The following CEP131 variants were observed in gnomAD, a reference collection of about 807,000 sequenced individuals.
CEP131 encodes the protein centrosomal protein of 131 kDa.
CEP131 carries 99 observed loss-of-function variants against 136.8 expected under a neutral mutation model. The observed-to-expected ratio is 0.72, with a 90% CI of 0.62 to 0.86. CEP131 has a LOEUF of 0.86. Among genes scored for constraint, CEP131 ranks in the 40% least tolerant of loss-of-function variants. CEP131 has a pLI of 0.00. For missense variants in CEP131, 1,459 were observed against 1,463.0 expected (o/e 1.00, Z 0.04); for synonymous variants, 646 against 612.7 (o/e 1.05, Z -0.80).
At position 81,210,637 on chromosome 17, in the gene CEP131, G is replaced by A. The variant is rs910953361; in HGVS notation, c.178-1615C>T. Among the ~76,000 whole-genome samples, 6 of 152,140 alleles carry A rather than the reference G, an allele frequency of 3.9e-5. No individual in the cohort carries two copies. The East Asian group carries it at 5.8e-4, about 15-fold the overall frequency. The stretch of plus-strand genomic sequence containing the variant: ...AAGGGCTCACAGTCCAGTGGGAAAC[G>A]GTCTGGGGAACACCACCGGATGCCA... On this transcript the variant is annotated intron_variant, in intron 2 of 25. Coordinates refer to ENST00000450824, the MANE Select transcript of CEP131 (RefSeq NM_014984.4).
rs768619581 is a variant in CEP131 at position 81,198,919 on chromosome 17, G to A, written c.1245C>T (p.Asp415=). The change falls in exon 11 of 26, where the codon GAC becomes GAT. Residue 415 remains aspartate (D), a synonymous_variant. Transcript: ENST00000450824. ...GPGDRCLPTS[D]SSPEPQQPPE... is the part of the protein sequence containing the mutation. Reference sequence around the variant, plus strand: ...GAGGCTGCTGTGGTTCTGGGGATGAGTCGGAGGTGGGCAGGCAGCGGTCTC... The same window carrying A: ...GAGGCTGCTGTGGTTCTGGGGATGAATCGGAGGTGGGCAGGCAGCGGTCTC... The A allele has an allele frequency of 1.9e-6, 3 of 1,593,648 alleles. No homozygotes were observed. The highest frequency in any genetic ancestry group is 2.6e-6 in the Non-Finnish European group (3 of 1,171,164).
chr17:81,197,051 C>T lies in CEP131; in HGVS notation c.1652G>A (p.Trp551Ter). The T allele has an allele frequency of 1.9e-6, 3 of 1,586,570 alleles. No homozygotes were observed. Among genetic ancestry groups the T allele is most frequent in the Non-Finnish European group, 2.6e-6 (3 of 1,166,784 alleles). The change falls in exon 14 of 26, where the codon TGG becomes TAG. Residue 551 changes from tryptophan to a stop codon, truncating the protein, a stop_gained. Coordinates refer to ENST00000450824, the MANE Select transcript of CEP131 (RefSeq NM_014984.4). LOFTEE classifies it high-confidence loss of function. ...GGGCCCCGGCCCCGCCTCCGGCACCCACCCCTGCAGACACAGCCGAGCGTC... is the reference window on the plus strand; with the variant it reads ...GGGCCCCGGCCCCGCCTCCGGCACCTACCCCTGCAGACACAGCCGAGCGTC... Reference protein sequence around the residue: ...QDQLDSQQEGWVPEAGPGPLE... With the variant: ...QDQLDSQQEG
At chr17:81,202,182 C>T in intron 7 of CEP131, 58 bp downstream of exon 7, 4 of 494,916 alleles carry the variant, frequency 8.1e-6, no homozygotes, top group Non-Finnish European at 6.3e-6. Flanking sequence ...GACCCTGATG[C>T]CTGCCCACCT....
intron 5 of CEP131, among the ~76,000 whole-genome samples, chr17:81,204,529 T>C (rs916007268): frequency 6.6e-6 from 1 of 152,086 alleles, no homozygotes; most frequent in African/African-American, 2.4e-5. Flanking sequence ...CACCAGGCAA[T>C]AGGCTTCCAG....
In CEP131 at chr17:81,191,194, G is replaced by A. The variant is rs377711828; in HGVS notation, c.2764C>T (p.Arg922Cys). The A allele has an allele frequency of 6.2e-6, 10 of 1,611,202 alleles. No individual in the cohort carries two copies. Among genetic ancestry groups the A allele is most frequent in the South Asian group, 5.5e-5 (5 of 91,046 alleles). Residue 922 changes from arginine (R) to cysteine (C), a missense_variant and splice_region_variant, in exon 22 of 26, where the codon CGC becomes TGC. By Grantham distance (180) the Arg-to-Cys change is radical (BLOSUM62 -3). This residue lies in a region of CEP131 where 1,026 missense variants were observed against 964.2 expected (regional missense o/e 1.06). Transcript: ENST00000450824. The part of the protein sequence containing the change: ...KEESEKAAES[R>C]IKRLRDKYEA... ...GACCCAGCCATGGCGGGTCCTTACC[G>A]GCTCTCGGCAGCCTTCTCACTCTCC...
chr17:81,205,885 C>G (rs1237008068), intron 5 of CEP131, among the ~76,000 whole-genome samples: 1 of 152,074 alleles, frequency 6.6e-6, no homozygotes, highest in Non-Finnish European at 1.5e-5. Context: ...AGATGAGAAC[C>G]TGCCTCTAAC....
chr17:81,191,011 G>A lies in CEP131; in HGVS notation c.2839C>T (p.Arg947Trp), dbSNP rs138890235. Residue 947 changes from arginine to tryptophan, a missense_variant, in exon 23 of 26, where the codon CGG (arginine) becomes TGG (tryptophan). Arg to Trp is a moderately radical substitution (Grantham distance 101). This residue lies in a region of CEP131 where 1,026 missense variants were observed against 964.2 expected (regional missense o/e 1.06). Transcript: ENST00000450824. ...LEQSERKLQE[R>W]CSELKGQLGE... ...AGCTGGCCCTTCAGCTCCGAGCACC[G>A]CTCCTGAAGCTTCCGCTCCGACTGC... 1.6e-5 allele frequency: 25 copies of A among 1,609,720 alleles called. No homozygotes were observed. The highest frequency in any genetic ancestry group is 5.5e-5 in the South Asian group (5 of 91,084).
chr17:81,202,725 G>A (rs2061920851), intron 6 of CEP131, among the ~76,000 whole-genome samples: 1 of 152,332 alleles, frequency 6.6e-6, no homozygotes, highest in Admixed American at 6.5e-5. Flanking sequence ...ACTTTGGGAG[G>A]CCAAAGCGGG....
chr17:81,218,487 G>A (rs2062306843), intron 2 of CEP131, among the ~76,000 whole-genome samples: 1 of 152,260 alleles, frequency 6.6e-6, no homozygotes, highest in Non-Finnish European at 1.5e-5. Context: ...AGCAGGCTCA[G>A]AGACGGCTCT....
chr17:81,191,955 C>T (rs759553497), intron 21 of CEP131, among the ~76,000 whole-genome samples: 11 of 152,088 alleles, frequency 7.2e-5, no homozygotes, highest in Non-Finnish European at 1.6e-4. Context: ...CCACAGAAGG[C>T]CCCAGAGGCT....
chr17:81,199,290 C>A, intron 10 of CEP131, 91 bp downstream of exon 10: 1 of 1,395,590 alleles, frequency 7.2e-7, no homozygotes, highest in East Asian at 2.5e-5. Flanking sequence ...GGCAGCAGCA[C>A]AGGAGGCCGA....
Position 81,194,926 on chromosome 17 carries a change from C to A in CEP131, c.2063G>T (p.Arg688Leu), listed in dbSNP as rs752096772. 10 of 1,613,152 alleles carry A rather than the reference C, an allele frequency of 6.2e-6. No individual in the cohort carries two copies. The highest frequency in any genetic ancestry group is 1.7e-5 in the Admixed American group (1 of 59,990). ...KELMSATEKA[R>L]REKWISEKTK... ...TTTCTCACTGATCCACTTCTCCCGG[C>A]GGGCTTTCTCGGTGGCGCTCATTAA... The change falls in exon 17 of 26, where the codon CGC (arginine) becomes CTC (leucine). Residue 688 changes from arginine to leucine, a missense_variant. Arg to Leu is a moderately radical substitution (Grantham distance 102). This residue lies in a region of CEP131 where 1,026 missense variants were observed against 964.2 expected (regional missense o/e 1.06). Coordinates refer to ENST00000450824, the MANE Select transcript of CEP131 (RefSeq NM_014984.4).
At position 81,203,736 on chromosome 17, in the gene CEP131, T is replaced by C. The variant is rs2061945687; in HGVS notation, c.516-129A>G. The C allele has an allele frequency of 2.9e-6, 2 of 694,990 alleles. No homozygotes were observed. The highest frequency in any genetic ancestry group is 2.7e-5 in the East Asian group (1 of 36,514). 43.1% of individuals were successfully genotyped at this position (694,990 alleles called of 1,614,324 possible). On this transcript the variant is annotated intron_variant, in intron 5 of 25. Transcript: ENST00000450824. This position sits in a 1 kb window ranked among gnomAD's most constrained non-coding sequence, Gnocchi z 4.6. ...CAGTGCTTGCTACGTGCTGGCAGCA[T>C]TGTCGTCCAGTGTCCCCAGGCCCCT...
chr17:81,199,281 G>T (rs2146564281), intron 10 of CEP131, 100 bp downstream of exon 10: 1 of 1,345,910 alleles, frequency 7.4e-7, no homozygotes. Flanking sequence ...GCCAACATGG[G>T]CAGCAGCACA....
rs771371939 is a variant in CEP131, at chr17:81,192,396, G to A, written c.2548-4C>T. 6.2e-7 allele frequency: 1 copy of A among 1,609,498 alleles called. No individual in the cohort carries two copies. Among genetic ancestry groups the A allele is most frequent in the African/African-American group, 1.3e-5 (1 of 74,954 alleles). On this transcript the variant is annotated splice_polypyrimidine_tract_variant and splice_region_variant and intron_variant, in intron 20 of 25. Transcript: ENST00000450824. ...GCTTCAGGGTATTCAGCTCCATCTG[G>A]GGGGCGGACATAAGAGGCCAGTCAG...
At chr17:81,210,556 G>A (rs1250403023) in intron 2 of CEP131, among the ~76,000 whole-genome samples, 6 of 151,804 alleles carry the variant, frequency 4.0e-5, no homozygotes, top group Non-Finnish European at 7.4e-5. Flanking sequence ...GAGACAGAGC[G>A]AGACTCCGTC....
chr17:81,190,340 T>C (rs1015807555), intron 24 of CEP131, among the ~76,000 whole-genome samples: 1 of 152,130 alleles, frequency 6.6e-6, no homozygotes, highest in African/African-American at 2.4e-5. Flanking sequence ...TCAGCGCCTG[T>C]CCACCCAGCC....
intron 21 of CEP131, among the ~76,000 whole-genome samples, chr17:81,191,711 T>C (rs2146485856): frequency 6.6e-6 from 1 of 152,242 alleles, no homozygotes; most frequent in South Asian, 2.1e-4. Context: ...TGGAAGCCTC[T>C]GAAAACTCCC....
In CEP131 at chr17:81,194,120, C is replaced by T. The variant is rs1376205732; in HGVS notation, c.2127G>A (p.Glu709=). 6.5e-7 allele frequency: 1 copy of T among 1,530,714 alleles called. No individual in the cohort carries two copies. Among genetic ancestry groups the T allele is most frequent in the Non-Finnish European group, 8.8e-7 (1 of 1,140,540 alleles). The allele number at this position is 1,530,714 out of a possible 1,614,324, so 94.8% of individuals were successfully genotyped here. A position where few individuals can be genotyped will look rare whatever the true frequency, so the allele number is the denominator to read the frequency against. Residue 709 remains glutamate (E), a synonymous_variant, in exon 18 of 26, where the codon GAG becomes GAA. Transcript: ENST00000450824. ...TTGCAATCAGCTTCTGGATCTCGGG[C>T]TCCAGACCTGGGGGCGGGGCACCAG... ...KIKEVTVRGL[E]PEIQKLIARH... is the part of the protein sequence containing the mutation.
Sources: gnomAD v4.1 joint callset for allele counts (sites outside exome capture counted in the v4.1 genomes callset) on GRCh38, gnomAD v4.1.1 for gene constraint, gnomAD v4.1.1 regional missense constraint, Gnocchi (gnomAD v3.1) non-coding constraint, MANE v1.5 for transcripts, NCBI Gene and HGNC (gene_info 2026-07-23, HGNC 2026-07-21) for gene names.